SIGLEC7: variants seen among roughly 807,000 people sequenced by gnomAD.
The protein encoded by SIGLEC7 is sialic acid-binding Ig-like lectin 7.
SIGLEC7 carries 33 observed loss-of-function variants against 40.8 expected under a neutral mutation model. The ratio of observed to expected loss-of-function variants is 0.81; its 90% CI spans 0.61 to 1.08. SIGLEC7 has a LOEUF of 1.08. SIGLEC7 is among the 50% of genes least tolerant of loss of function. The probability of loss-of-function intolerance (pLI) is 0.00; values close to 1 mark genes in which losing one functional copy is unlikely to be tolerated. For missense variants in SIGLEC7, 513 were observed against 576.1 expected, an observed-to-expected ratio of 0.89 and a Z score of 1.12; for synonymous variants, 242 against 237.6, an observed-to-expected ratio of 1.02 and a Z score of -0.17.
At position 51,147,454 on chromosome 19, in the gene SIGLEC7, G is replaced by A. The variant is rs187644141; in HGVS notation, c.1221+137G>A. 2.9e-4 allele frequency: 193 copies of A among 664,674 alleles called. No individual in the cohort carries two copies. The African/African-American group carries it at 3.2e-3, about 11-fold the overall frequency. The allele number at this position is 664,674 out of a possible 1,614,324, so 41.2% of individuals were successfully genotyped here. A position where few individuals can be genotyped will look rare whatever the true frequency, so the allele number is the denominator to read the frequency against. On this transcript the variant is annotated intron_variant, in intron 6 of 6. Transcript: ENST00000317643. ...TCCTTCCCACCATCCAGCTTCTCCTGCAGGATTCCCCATCTTGCTGACTGC... is the reference window on the plus strand; with the variant it reads ...TCCTTCCCACCATCCAGCTTCTCCTACAGGATTCCCCATCTTGCTGACTGC...
chr19:51,151,839 C>T (rs2122921417), intron 6 of SIGLEC7, among the ~76,000 whole-genome samples: 2 of 152,306 alleles, frequency 1.3e-5, no homozygotes, highest in South Asian at 4.1e-4. Context: ...TTTGAGTAAT[C>T]AAGAGAGAAT....
At chr19:51,146,689 A>G (rs1195178789) in intron 4 of SIGLEC7, 65 bp from the exon 5 acceptor site, 2 of 1,412,894 alleles carry the variant, frequency 1.4e-6, no homozygotes, top group African/African-American at 1.4e-5. Flanking sequence ...CCTTATAGGA[A>G]GTGGGAGGAG....
chr19:51,146,806 A>G lies in SIGLEC7; in HGVS notation c.1080A>G (p.Gly360=). Residue 360 remains glycine, a synonymous_variant, in exon 5 of 7, where the codon GGA becomes GGG. Transcript: ENST00000317643. ...TGCTGGGGGCGGTCGGGGGAGCTGG[A>G]GCCACAGCCCTGGTCTTCCTCTCCT... The part of the protein sequence containing the change: ...GVLLGAVGGA[G]ATALVFLSFC... 3 of 1,614,034 alleles carry G rather than the reference A, an allele frequency of 1.9e-6. No homozygotes were observed. In the South Asian group the frequency reaches 3.3e-5, roughly 18 times the overall value.
chr19:51,146,882 T>C lies in SIGLEC7; in HGVS notation c.1124+32T>C, dbSNP rs200782801. On this transcript the variant is annotated intron_variant, in intron 5 of 6. Coordinates refer to ENST00000317643, the MANE Select transcript of SIGLEC7 (RefSeq NM_014385.4). Reference sequence around the variant, plus strand: ...ACTGACCCTAGGGAGGGAGGGAGAGTCCTGGGGGAGGGCGGACTGGGAGCA... The same window carrying C: ...ACTGACCCTAGGGAGGGAGGGAGAGCCCTGGGGGAGGGCGGACTGGGAGCA... 9 of 1,589,806 alleles carry C rather than the reference T, an allele frequency of 5.7e-6. No homozygotes were observed. In the Admixed American group the frequency reaches 8.4e-5, roughly 15 times the overall value.
Position 51,145,083 on chromosome 19 carries a change from C to T in SIGLEC7, c.760+124C>T, listed in dbSNP as rs550867911. On this transcript the variant is annotated intron_variant, in intron 3 of 6. Coordinates refer to ENST00000317643, the MANE Select transcript of SIGLEC7 (RefSeq NM_014385.4). This position sits in a 1 kb window ranked among gnomAD's most constrained non-coding sequence, Gnocchi z 4.3. ...GACTCCCTTGTAGTTGAACCCAGGCCTCCTCCCCATCCTTAGCCTCTGTGG... is the reference window on the plus strand; with the variant it reads ...GACTCCCTTGTAGTTGAACCCAGGCTTCCTCCCCATCCTTAGCCTCTGTGG... 1.1e-6 allele frequency: 1 copy of T among 937,830 alleles called. No homozygotes were observed. The highest frequency in any genetic ancestry group is 1.7e-6 in the Non-Finnish European group (1 of 584,506). 58.1% of individuals were successfully genotyped at this position (937,830 alleles called of 1,614,324 possible). A position where few individuals can be genotyped will look rare whatever the true frequency, so the allele number is the denominator to read the frequency against.
chr19:51,144,541 C>T lies in SIGLEC7; in HGVS notation c.569C>T (p.Ser190Phe), dbSNP rs993496436. The T allele has an allele frequency of 6.2e-7, 1 of 1,613,476 alleles. No homozygotes were observed. Among genetic ancestry groups the T allele is most frequent in the African/African-American group, 1.3e-5 (1 of 74,878 alleles). ...PMISWMGTSV[S>F]PLHPSTTRSS... Reference sequence around the variant, plus strand: ...ATCTCCTGGATGGGGACCTCTGTGTCCCCCCTGCACCCCTCCACCACCCGC... The same window carrying T: ...ATCTCCTGGATGGGGACCTCTGTGTTCCCCCTGCACCCCTCCACCACCCGC... Residue 190 changes from serine to phenylalanine, a missense_variant, in exon 2 of 7, where the codon TCC becomes TTC. Ser to Phe is a radical substitution (Grantham distance 155). Coordinates refer to ENST00000317643, the MANE Select transcript of SIGLEC7 (RefSeq NM_014385.4).
chr19:51,143,597 A>G (rs965888747), intron 1 of SIGLEC7, among the ~76,000 whole-genome samples: 11 of 151,834 alleles, frequency 7.2e-5, no homozygotes, highest in African/African-American at 2.7e-4. Context: ...CAGTTCCTAT[A>G]GCATGTGGGT....
In SIGLEC7 at chr19:51,146,141, G is replaced by A. The variant is rs767478117; in HGVS notation, c.1027+20G>A. The A allele has an allele frequency of 2.5e-6, 4 of 1,600,788 alleles. No homozygotes were observed. The highest frequency in any genetic ancestry group is 8.6e-7 in the Non-Finnish European group (1 of 1,169,516). ...ACACAGGTGGGTAAGGGAGGGGCTG[G>A]AGGAGGAGAACACACCTGCCCCACC... On this transcript the variant is annotated intron_variant, in intron 4 of 6. Coordinates refer to ENST00000317643, the MANE Select transcript of SIGLEC7 (RefSeq NM_014385.4).
Position 51,145,923 on chromosome 19 carries a change from G to A in SIGLEC7, c.829G>A (p.Ala277Thr). ...GGGCCAGTCTCTGCGCTTGGTCTGT[G>A]CTGTTGACAGCAATCCCCCTGCCAG... ...LEGQSLRLVCAVDSNPPARLS... is the reference protein window; with the variant it reads ...LEGQSLRLVCTVDSNPPARLS... Residue 277 changes from alanine to threonine, a missense_variant, in exon 4 of 7, where the codon GCT becomes ACT. Transcript: ENST00000317643. The surrounding 1 kb of genome is among the most constrained non-coding windows in gnomAD (Gnocchi z 4.3). 6.2e-7 allele frequency: 1 copy of A among 1,614,222 alleles called. No individual in the cohort carries two copies. The highest frequency in any genetic ancestry group is 8.5e-7 in the Non-Finnish European group (1 of 1,180,042).
At chr19:51,150,687 A>G (rs986435486) in intron 6 of SIGLEC7, among the ~76,000 whole-genome samples, 1 of 152,204 alleles carries the variant, frequency 6.6e-6, no homozygotes, top group Non-Finnish European at 1.5e-5. Flanking sequence ...CGTATTTGGG[A>G]ATAGTTTCAG....
intron 6 of SIGLEC7, among the ~76,000 whole-genome samples, chr19:51,148,934 A>C (rs2092126558): frequency 6.6e-6 from 1 of 152,198 alleles, no homozygotes; most frequent in Non-Finnish European, 1.5e-5. Flanking sequence ...TTCTCTAGTG[A>C]TCAGCGATAA....
At chr19:51,149,202 C>T (rs1376166907) in intron 6 of SIGLEC7, among the ~76,000 whole-genome samples, 4 of 152,144 alleles carry the variant, frequency 2.6e-5, no homozygotes, top group African/African-American at 9.7e-5. Context: ...GTTGTGATTG[C>T]TTTGGCATCT....
intron 4 of SIGLEC7, among the ~76,000 whole-genome samples, chr19:51,146,435 TA>T (rs1290689429): frequency 6.6e-6 from 1 of 152,048 alleles, no homozygotes; most frequent in East Asian, 1.9e-4. Flanking sequence ...GGCACACGAC[TA>T]AAAAACAAAA....
In SIGLEC7 at chr19:51,146,812, A is replaced by C; in HGVS notation, c.1086A>C (p.Thr362=). 6.2e-7 allele frequency: 1 copy of C among 1,614,094 alleles called. No homozygotes were observed. Among genetic ancestry groups the C allele is most frequent in the Non-Finnish European group, 8.5e-7 (1 of 1,179,980 alleles). The part of the protein sequence containing the change: ...LLGAVGGAGA[T]ALVFLSFCVI... Reference sequence around the variant, plus strand: ...GGGCGGTCGGGGGAGCTGGAGCCACAGCCCTGGTCTTCCTCTCCTTCTGTG... The same window carrying C: ...GGGCGGTCGGGGGAGCTGGAGCCACCGCCCTGGTCTTCCTCTCCTTCTGTG... The change falls in exon 5 of 7, where the codon ACA becomes ACC. Residue 362 remains threonine, a synonymous_variant. Coordinates refer to ENST00000317643, the MANE Select transcript of SIGLEC7 (RefSeq NM_014385.4).
chr19:51,146,673 TG>T, intron 4 of SIGLEC7, 80 bp from the exon 5 acceptor site: 1 of 1,236,468 alleles, frequency 8.1e-7, no homozygotes, highest in South Asian at 1.4e-5. Flanking sequence ...GTACCCAAGT[TG>T]GGGGCCTTAT....
rs778451574 is a variant in SIGLEC7, at chr19:51,144,393, C to G, written c.434-13C>G. On this transcript the variant is annotated splice_polypyrimidine_tract_variant and intron_variant, in intron 1 of 6. Coordinates refer to ENST00000317643, the MANE Select transcript of SIGLEC7 (RefSeq NM_014385.4). ...TCCTCTGTCCTGATCCTGAGTCCCC[C>G]TCTCTTCACCAGCCTTGACCCACAG... 8.1e-6 allele frequency: 13 copies of G among 1,597,334 alleles called. No individual in the cohort carries two copies. Among genetic ancestry groups the G allele is most frequent in the Non-Finnish European group, 1.1e-5 (13 of 1,173,998 alleles).
Position 51,146,797 on chromosome 19 carries a change from G to T in SIGLEC7, c.1071G>T (p.Gly357=). ...CAGGAGTGTTGCTGGGGGCGGTCGG[G>T]GGAGCTGGAGCCACAGCCCTGGTCT... ...PVSGVLLGAV[G]GAGATALVFL... Residue 357 remains glycine, a synonymous_variant, in exon 5 of 7, where the codon GGG becomes GGT. Coordinates refer to ENST00000317643, the MANE Select transcript of SIGLEC7 (RefSeq NM_014385.4). 6.2e-7 allele frequency: 1 copy of T among 1,613,878 alleles called. No homozygotes were observed. The highest frequency in any genetic ancestry group is 8.5e-7 in the Non-Finnish European group (1 of 1,179,914).
In SIGLEC7 at chr19:51,142,807, G is replaced by T; in HGVS notation, c.433+5G>T. The T allele has an allele frequency of 1.3e-6, 2 of 1,580,824 alleles. No individual in the cohort carries two copies. The highest frequency in any genetic ancestry group is 1.7e-6 in the Non-Finnish European group (2 of 1,162,340). ...AGCTCTCTGTGAACGTGACAGGTAA[G>T]GCACGGGCTCCAAGAGAGGCCAAAG... On this transcript the variant is annotated splice_donor_5th_base_variant and intron_variant, in intron 1 of 6. Transcript: ENST00000317643. This position sits in a 1 kb window ranked among gnomAD's most constrained non-coding sequence, Gnocchi z 5.0.
rs977261477 is a variant in SIGLEC7 at position 51,144,815 on chromosome 19, C to A, written c.713-97C>A. The A allele has an allele frequency of 2.3e-5, 36 of 1,579,368 alleles. 1 individual carries two copies. In the African/African-American group the frequency reaches 3.1e-4, roughly 14 times the overall value. ...GGCTGGTTGTGGGATCAGGAGGACGCTGGCTCCGCCTTCCCCATTTATGCA... is the reference window on the plus strand; with the variant it reads ...GGCTGGTTGTGGGATCAGGAGGACGATGGCTCCGCCTTCCCCATTTATGCA... On this transcript the variant is annotated intron_variant, in intron 2 of 6. Transcript: ENST00000317643.
Sources: gnomAD v4.1 joint callset for allele counts (sites outside exome capture counted in the v4.1 genomes callset) on GRCh38, gnomAD v4.1.1 for gene constraint, Gnocchi (gnomAD v3.1) non-coding constraint, MANE v1.5 for transcripts, NCBI Gene and HGNC (gene_info 2026-07-23, HGNC 2026-07-21) for gene names.